The following MED13 variants were observed in gnomAD, a reference collection of about 807,000 sequenced individuals.
MED13 encodes the protein mediator of RNA polymerase II transcription subunit 13.
MED13 carries 23 observed loss-of-function variants against 225.2 expected under a neutral mutation model. The ratio of observed to expected loss-of-function variants is 0.10; its 90% CI spans 0.07 to 0.14. The LOEUF (loss-of-function observed/expected upper bound fraction) is 0.14. Ranked by LOEUF, MED13 falls within the 10% of genes least tolerant of loss-of-function variation. The probability of loss-of-function intolerance (pLI) is 1.00; values close to 1 mark genes in which losing one functional copy is unlikely to be tolerated. For missense variants in MED13, 2,197 were observed against 2,594.5 expected (o/e 0.85, Z 3.33); for synonymous variants, 942 against 889.2 (o/e 1.06, Z -1.06).
intron 6 of MED13, chr17:62,030,780 T>C (rs1208999175): frequency 6.6e-6 from 1 of 152,234 alleles, no homozygotes; most frequent in Non-Finnish European, 1.5e-5. Context: ...TATAAACTGT[T>C]GCATGAATCG....
At chr17:62,052,443 CTGTA>C in intron 3 of MED13, 90 bp downstream of exon 3, 1 of 929,450 alleles carries the variant, frequency 1.1e-6, no homozygotes, top group Non-Finnish European at 1.5e-6. Flanking sequence ...TGGAATATGT[CTGTA>C]TATTAGCTTG....
At chr17:61,977,243 G>T (rs764994705) in intron 16 of MED13, among the ~76,000 whole-genome samples, 1 of 152,096 alleles carries the variant, frequency 6.6e-6, no homozygotes, top group African/African-American at 2.4e-5. Context: ...GCAAGATGGA[G>T]AACAAGAAGA....
In MED13 at chr17:61,953,122, G is replaced by A. The variant is rs2079911026; in HGVS notation, c.5969-9C>T. ...CATTCCATCTGCTCCATCTAAACAG[G>A]AGAAAGAAAAGAAATTTAAAACTCC... On this transcript the variant is annotated splice_polypyrimidine_tract_variant and intron_variant, in intron 26 of 29. Coordinates refer to ENST00000397786, the MANE Select transcript of MED13 (RefSeq NM_005121.3). The A allele has an allele frequency of 6.2e-6, 10 of 1,604,318 alleles. No homozygotes were observed. The highest frequency in any genetic ancestry group is 7.6e-6 in the Non-Finnish European group (9 of 1,177,124).
At chr17:62,019,404 G>T (rs929859277) in intron 8 of MED13, among the ~76,000 whole-genome samples, 3 of 152,046 alleles carry the variant, frequency 2.0e-5, no homozygotes. Context: ...TGTAATAAAC[G>T]TACTTTGCAG....
chr17:62,047,737 TAAATA>T (rs1313950485), intron 3 of MED13, among the ~76,000 whole-genome samples: 1 of 151,148 alleles, frequency 6.6e-6, no homozygotes, highest in Admixed American at 6.6e-5. Context: ...AACAAATAAA[TAAATA>T]AAATAAGATC....
chr17:62,013,238 A>G (rs1316701642), intron 8 of MED13, among the ~76,000 whole-genome samples: 1 of 152,220 alleles, frequency 6.6e-6, no homozygotes, highest in Non-Finnish European at 1.5e-5. Flanking sequence ...GATATTACAC[A>G]AAAAGAAAAC....
At chr17:61,961,264 C>G (rs1363813213) in intron 22 of MED13, among the ~76,000 whole-genome samples, 174 bp from the exon 23 acceptor site, 1 of 152,022 alleles carries the variant, frequency 6.6e-6, no homozygotes, top group African/African-American at 2.4e-5. Flanking sequence ...CACGGTGGCT[C>G]GTGCCTGTAA....
At position 61,952,753 on chromosome 17, in the gene MED13, C is replaced by T. The variant is rs150417691; in HGVS notation, c.6117+212G>A. Among the ~76,000 whole-genome samples the T allele has an allele frequency of 1.1e-3, 171 of 152,294 alleles. 3 individuals carry two copies. The East Asian group carries it at 0.031, about 28-fold the overall frequency. On this transcript the variant is annotated intron_variant, in intron 27 of 29. Transcript: ENST00000397786. The stretch of plus-strand genomic sequence containing the variant: ...CCAGGTTCAAGTGATTCTCTTGCCT[C>T]ATCCTCCTGAGTAGCTGGGACTACA...
chr17:61,982,574 T>C lies in MED13; in HGVS notation c.3429A>G (p.Glu1143=), dbSNP rs768892559. ...TGCGTCCTATGATATCTAGTTCATC[T>C]TCAAGAAATAATCCTGAATTGTTTC... ...KFGNNSGLFL[E]DELDIIGRNT... Residue 1143 remains glutamate, a synonymous_variant, in exon 16 of 30, where the codon GAA becomes GAG. Coordinates refer to ENST00000397786, the MANE Select transcript of MED13 (RefSeq NM_005121.3). 2 of 1,614,212 alleles carry C rather than the reference T, an allele frequency of 1.2e-6. No individual in the cohort carries two copies. The highest frequency in any genetic ancestry group is 1.3e-5 in the African/African-American group (1 of 75,054).
chr17:62,026,831 G>A (rs959781442), intron 8 of MED13, among the ~76,000 whole-genome samples: 1 of 151,998 alleles, frequency 6.6e-6, no homozygotes, highest in Non-Finnish European at 1.5e-5. Flanking sequence ...TGCAATCCCA[G>A]TCACATCTGC....
In MED13 at chr17:61,946,170, A is replaced by G; in HGVS notation, c.*298T>C. On this transcript the variant is annotated 3_prime_UTR_variant, in exon 30 of 30. Coordinates refer to ENST00000397786, the MANE Select transcript of MED13 (RefSeq NM_005121.3). ...TAATATTCATTTAACATGACTGGGT[A>G]CTATGGCTCATTACTTTTCACAAAT... The G allele has an allele frequency of 3.9e-6, 1 of 256,878 alleles. No homozygotes were observed. Among genetic ancestry groups the G allele is most frequent in the Non-Finnish European group, 7.5e-6 (1 of 133,010 alleles). 15.9% of individuals were successfully genotyped at this position (256,878 alleles called of 1,614,324 possible).
rs2080211920 is a variant in MED13, at chr17:61,982,342, C to G, written c.3661G>C (p.Val1221Leu). ...CAACAGTCACGCTCTTCAACACGTACCCAATTGCTAATTACACCACTTTTA... is the reference window on the plus strand; with the variant it reads ...CAACAGTCACGCTCTTCAACACGTAGCCAATTGCTAATTACACCACTTTTA... ...FPKSGVISNW[V>L]RVEERDCCND... The change falls in exon 16 of 30, where the codon GTA (valine) becomes CTA (leucine). Residue 1221 changes from valine to leucine, a missense_variant. Around this residue, in one of 12 missense-constraint regions of MED13, gnomAD observed 203 missense variants for 209.7 expected, o/e 0.97. Transcript: ENST00000397786. The G allele has an allele frequency of 6.2e-7, 1 of 1,614,088 alleles. No homozygotes were observed. The highest frequency in any genetic ancestry group is 8.5e-7 in the Non-Finnish European group (1 of 1,180,048).
At chr17:61,984,975 T>G in intron 13 of MED13, 25 bp downstream of exon 13, 1 of 1,610,250 alleles carries the variant, frequency 6.2e-7, no homozygotes, top group Non-Finnish European at 8.5e-7. Context: ...CAAATTTATC[T>G]CGAGCACAGA....
intron 7 of MED13, 87 bp downstream of exon 7, chr17:62,029,764 A>G: frequency 6.6e-7 from 1 of 1,515,186 alleles, no homozygotes; most frequent in South Asian, 1.3e-5. Context: ...GAAAAATCAA[A>G]CAAATGACTG....
Position 61,982,243 on chromosome 17 carries a change from C to G in MED13, c.3760G>C (p.Ala1254Pro). The change falls in exon 16 of 30, where the codon GCA becomes CCA. Residue 1254 changes from alanine to proline, a missense_variant. Ala to Pro is a conservative substitution (Grantham distance 27). Around this residue, in one of 12 missense-constraint regions of MED13, gnomAD observed 203 missense variants for 209.7 expected, o/e 0.97. Coordinates refer to ENST00000397786, the MANE Select transcript of MED13 (RefSeq NM_005121.3). ...DNMSGGKVDEALVKSSCLHPW... is the reference protein window; with the variant it reads ...DNMSGGKVDEPLVKSSCLHPW... ...TGTAAGCATGAACTTTTCACAAGTG[C>G]TTCATCAACTTTTCCTCCTGACATG... 1 of 1,614,112 alleles carries G rather than the reference C, an allele frequency of 6.2e-7. No individual in the cohort carries two copies. The highest frequency in any genetic ancestry group is 1.1e-5 in the South Asian group (1 of 91,070).
chr17:62,057,397 T>A (rs563084024), intron 2 of MED13, among the ~76,000 whole-genome samples: 1 of 152,056 alleles, frequency 6.6e-6, no homozygotes, highest in South Asian at 2.1e-4. Context: ...ACTTAGAAGA[T>A]ACACTTGATC....
chr17:61,999,608 T>C (rs916883269), intron 9 of MED13, among the ~76,000 whole-genome samples: 1 of 152,154 alleles, frequency 6.6e-6, no homozygotes, highest in African/African-American at 2.4e-5. Context: ...TCTAACAAAT[T>C]AGAGAAATTT....
intron 8 of MED13, among the ~76,000 whole-genome samples, chr17:62,014,010 G>A (rs1438316518): frequency 6.6e-6 from 1 of 152,076 alleles, no homozygotes; most frequent in Non-Finnish European, 1.5e-5. Flanking sequence ...CTGCACTCCA[G>A]CCTGGGCGAC....
Position 61,946,529 on chromosome 17 carries a change from C to T in MED13, c.6464G>A (p.Cys2155Tyr), listed in dbSNP as rs1446030976. The T allele has an allele frequency of 6.2e-7, 1 of 1,613,796 alleles. No homozygotes were observed. The highest frequency in any genetic ancestry group is 1.3e-5 in the African/African-American group (1 of 74,902). Reference sequence around the variant, plus strand: ...CAGCACCACAAAATGAATTGGGAGACATGAGCGTCTGTCCTGGGTTGCAGG... The same window carrying T: ...CAGCACCACAAAATGAATTGGGAGATATGAGCGTCTGTCCTGGGTTGCAGG... Reference protein sequence around the residue: ...CDPATQDRRSCLPIHFVVLNQ... With the variant: ...CDPATQDRRSYLPIHFVVLNQ... Residue 2155 changes from cysteine (C) to tyrosine (Y), a missense_variant, in exon 30 of 30, where the codon TGT becomes TAT. By Grantham distance (194) the Cys-to-Tyr change is radical. This residue lies in a region of MED13 where 216 missense variants were observed against 388.9 expected (regional missense o/e 0.56). Transcript: ENST00000397786.
Sources: allele counts gnomAD v4.1 joint callset (sites outside exome capture counted in the v4.1 genomes callset), GRCh38; gene constraint gnomAD v4.1.1; regional missense constraint gnomAD v4.1.1; transcripts MANE v1.5; gene names NCBI Gene and HGNC (gene_info 2026-07-23, HGNC 2026-07-21).